Variants in FES observed in about 807,000 individuals in gnomAD.
The protein encoded by FES is FES proto-oncogene, tyrosine kinase.
FES carries 83 observed loss-of-function variants against 109.6 expected under a neutral mutation model. The observed-to-expected ratio is 0.76, with a 90% CI of 0.63 to 0.91. The LOEUF (loss-of-function observed/expected upper bound fraction) is 0.91, where lower values mean the gene tolerates loss of function less well. Among genes scored for constraint, FES ranks in the 40% least tolerant of loss-of-function variants. The pLI, the probability that FES is intolerant of heterozygous loss-of-function variation, is 0.00. For synonymous variants in FES, 458 were observed against 442.1 expected, an observed-to-expected ratio of 1.04 and a Z score of -0.45; for missense variants, 943 against 1,070.9, an observed-to-expected ratio of 0.88 and a Z score of 1.67.
Position 90,891,102 on chromosome 15 carries a change from C to A in FES, c.1441C>A (p.Leu481Met). 6.3e-7 allele frequency: 1 copy of A among 1,589,320 alleles called. No individual in the cohort carries two copies. The highest frequency in any genetic ancestry group is 2.3e-5 in the East Asian group (1 of 44,038). Residue 481 changes from leucine to methionine, a missense_variant, in exon 11 of 19, where the codon CTG becomes ATG. Coordinates refer to ENST00000328850, the MANE Select transcript of FES (RefSeq NM_002005.4). ...GCTGCTGGTGCACTCTGGGGACTTC[C>A]TGGTGCGGGAGAGCCAGGGCAAGCA... ...AELLVHSGDF[L>M]VRESQGKQEY... is the part of the protein sequence containing the mutation.
At position 90,889,517 on chromosome 15, in the gene FES, G is replaced by A; in HGVS notation, c.807G>A (p.Gly269=). 1 of 1,613,896 alleles carries A rather than the reference G, an allele frequency of 6.2e-7. No individual in the cohort carries two copies. Among genetic ancestry groups the A allele is most frequent in the Non-Finnish European group, 8.5e-7 (1 of 1,180,026 alleles). ...ACTGACGGGGCGCTGTCCCCCACAG[G>A]TCCGCACCTGACGTCCCACCCTGTG... The part of the protein sequence containing the change: ...AEYQGFLRQY[G]SAPDVPPCVT... Residue 269 remains glycine (G), a splice_region_variant and synonymous_variant, in exon 7 of 19, where the codon GGG becomes GGA. Transcript: ENST00000328850. The surrounding 1 kb of genome is among the most constrained non-coding windows in gnomAD (Gnocchi z 6.1).
intron 18 of FES, 135 bp from the exon 19 acceptor site, chr15:90,895,281 C>T: frequency 1.4e-6 from 1 of 711,498 alleles, no homozygotes; most frequent in South Asian, 4.0e-5. Context: ...GTCCTTTGGG[C>T]CCTTGGTGGA....
chr15:90,887,454 A>G (rs1184797434), intron 5 of FES, 84 bp downstream of exon 5: 5 of 1,394,848 alleles, frequency 3.6e-6, no homozygotes. Context: ...GACCCAGAAA[A>G]TCCATTGCTG....
intron 11 of FES, 122 bp from the exon 12 acceptor site, chr15:90,891,432 G>T: frequency 1.5e-6 from 2 of 1,359,624 alleles, no homozygotes; most frequent in Non-Finnish European, 2.1e-6. Context: ...ATCTTTTCTG[G>T]AGGTCTCTCT....
intron 13 of FES, 181 bp downstream of exon 13, chr15:90,892,292 A>G (rs2033295736): frequency 1.5e-6 from 1 of 662,074 alleles, no homozygotes; most frequent in Non-Finnish European, 2.6e-6. Context: ...CTACCCTGAA[A>G]ACTCCCAGCA....
chr15:90,894,103 C>T, intron 18 of FES, 45 bp downstream of exon 18: 1 of 1,605,446 alleles, frequency 6.2e-7, no homozygotes, highest in Non-Finnish European at 8.5e-7. Context: ...CACCCTCTTC[C>T]AGATGCTCCA....
rs138547963 is a variant in FES, at chr15:90,890,417, G to C, written c.1253G>C (p.Gly418Ala). 28 of 1,613,030 alleles carry C rather than the reference G, an allele frequency of 1.7e-5. No individual in the cohort carries two copies. The African/African-American group carries it at 3.7e-4, about 22-fold the overall frequency. Reference sequence around the variant, plus strand: ...TGGCCTCAGGAGCAGGAGCGAGAGGGGGGAAGGACACCCACGCTGGAGATC... The same window carrying C: ...TGGCCTCAGGAGCAGGAGCGAGAGGCGGGAAGGACACCCACGCTGGAGATC... ...STSSSEQERE[G>A]GRTPTLEILK... is the part of the protein sequence containing the mutation. The change falls in exon 10 of 19, where the codon GGG becomes GCG. Residue 418 changes from glycine (G) to alanine (A), a missense_variant. Coordinates refer to ENST00000328850, the MANE Select transcript of FES (RefSeq NM_002005.4).
intron 5 of FES, 151 bp downstream of exon 5, chr15:90,887,521 C>T: frequency 2.6e-6 from 2 of 768,566 alleles, no homozygotes; most frequent in South Asian, 1.9e-5. Context: ...GGATTGGAAA[C>T]AGGCAACTTA....
intron 18 of FES, 133 bp downstream of exon 18, chr15:90,894,191 T>C: frequency 9.4e-7 from 1 of 1,063,554 alleles, no homozygotes; most frequent in Non-Finnish European, 1.4e-6. Flanking sequence ...TGCTCACGCC[T>C]GTCATCCCAG....
At chr15:90,886,858 G>C in intron 3 of FES, 103 bp from the exon 4 acceptor site, 2 of 1,014,190 alleles carry the variant, frequency 2.0e-6, no homozygotes, top group Non-Finnish European at 3.0e-6. Context: ...GTCTCCAGGT[G>C]CTCCTTGCCT....
intron 10 of FES, 80 bp from the exon 11 acceptor site, chr15:90,890,902 G>A (rs1307291070): frequency 2.2e-6 from 3 of 1,358,708 alleles, no homozygotes; most frequent in African/African-American, 2.9e-5. Flanking sequence ...ATATAGGGGG[G>A]AGAGAGAGAC....
chr15:90,891,737 G>C, intron 12 of FES, 61 bp downstream of exon 12: 1 of 1,602,432 alleles, frequency 6.2e-7, no homozygotes, highest in Non-Finnish European at 8.5e-7. Flanking sequence ...GTGTGGGTCA[G>C]GCCCACCCAG....
rs986401615 is a variant in FES at position 90,889,031 on chromosome 15, C to T, written c.669-275C>T. 2.0e-5 allele frequency among the ~76,000 whole-genome samples: 3 copies of T among 152,146 alleles called. No individual in the cohort carries two copies. The highest frequency in any genetic ancestry group is 2.9e-5 in the Non-Finnish European group (2 of 68,036). On this transcript the variant is annotated intron_variant, in intron 5 of 18. Coordinates refer to ENST00000328850, the MANE Select transcript of FES (RefSeq NM_002005.4). This position sits in a 1 kb window ranked among gnomAD's most constrained non-coding sequence, Gnocchi z 6.1. Reference sequence around the variant, plus strand: ...GGTCTCGAACTGACCTCAGGCAATCCACCCGCCTCGACCTCCCAGTGTTGG... The same window carrying T: ...GGTCTCGAACTGACCTCAGGCAATCTACCCGCCTCGACCTCCCAGTGTTGG...
chr15:90,890,969 C>T lies in FES; in HGVS notation c.1321-13C>T. 3.2e-6 allele frequency: 5 copies of T among 1,569,264 alleles called. No individual in the cohort carries two copies. Among genetic ancestry groups the T allele is most frequent in the African/African-American group, 1.3e-5 (1 of 74,290 alleles). On this transcript the variant is annotated splice_polypyrimidine_tract_variant and intron_variant, in intron 10 of 18. Transcript: ENST00000328850. ...GTGGTTAAGTGACTCCTCCTCGATCCTCCCTTGCCCAGCTCCCTCCACCGC... is the reference window on the plus strand; with the variant it reads ...GTGGTTAAGTGACTCCTCCTCGATCTTCCCTTGCCCAGCTCCCTCCACCGC...
In FES at chr15:90,890,136, AG is replaced by A; in HGVS notation, c.1098del (p.Leu367CysfsTer3). 1 of 1,583,142 alleles carries A rather than the reference AG, an allele frequency of 6.3e-7. No homozygotes were observed. On this transcript the variant is annotated frameshift_variant, in exon 9 of 19. Coordinates refer to ENST00000328850, the MANE Select transcript of FES (RefSeq NM_002005.4). LOFTEE classifies it high-confidence loss of function. Reference sequence around the variant, plus strand: ...AGGCAAGTGCTGCAAGAAGCACTGCAGGGGCTGCAGGTAGCGCTGTGCAGCC... The same window carrying A: ...AGGCAAGTGCTGCAAGAAGCACTGCAGGGCTGCAGGTAGCGCTGTGCAGCC... The part of the protein sequence containing the change: ...GKRQVLQEAL[Q>X]GLQVALCSQA...
rs745748309 is a variant in FES at position 90,890,077 on chromosome 15, C to T, written c.1050-15C>T. On this transcript the variant is annotated splice_polypyrimidine_tract_variant and intron_variant, in intron 8 of 18. Coordinates refer to ENST00000328850, the MANE Select transcript of FES (RefSeq NM_002005.4). ...CCTTATTCTCATCCACCCTCCCACC[C>T]GCCCCTGCCTGCAGGGTGCAGCTGC... is the stretch of plus-strand genomic sequence containing the variant. 4.9e-5 allele frequency: 76 copies of T among 1,539,246 alleles called. No homozygotes were observed. The highest frequency in any genetic ancestry group is 6.3e-5 in the Non-Finnish European group (72 of 1,143,090).
intron 13 of FES, chr15:90,892,335 C>G: frequency 1.7e-6 from 1 of 604,686 alleles, no homozygotes; most frequent in South Asian, 2.0e-5. Flanking sequence ...CCTCATCACC[C>G]CCACCCAGGC....
rs139960065 is a variant in FES at position 90,885,130 on chromosome 15, G to C, written c.85G>C (p.Gly29Arg). The C allele has an allele frequency of 3.3e-5, 53 of 1,613,904 alleles. No homozygotes were observed. Among genetic ancestry groups the C allele is most frequent in the African/African-American group, 4.0e-5 (3 of 74,946 alleles). ...MQEAELRLLE[G>R]MRKWMAQRVK... ...GGAGGCCGAGCTTCGTCTACTGGAG[G>C]GCATGAGAAAGTGGATGGCCCAGCG... The change falls in exon 2 of 19, where the codon GGC becomes CGC. Residue 29 changes from glycine to arginine, a missense_variant. Coordinates refer to ENST00000328850, the MANE Select transcript of FES (RefSeq NM_002005.4).
chr15:90,894,230 A>G (rs1489821303), intron 18 of FES, among the ~76,000 whole-genome samples, 172 bp downstream of exon 18: 1 of 152,104 alleles, frequency 6.6e-6, no homozygotes, highest in Admixed American at 6.5e-5. Context: ...TGGGTGGATC[A>G]CTTGAGCCCA....
Sources: gnomAD v4.1 joint callset for allele counts (sites outside exome capture counted in the v4.1 genomes callset) on GRCh38, gnomAD v4.1.1 for gene constraint, Gnocchi (gnomAD v3.1) non-coding constraint, MANE v1.5 for transcripts, NCBI Gene and HGNC (gene_info 2026-07-23, HGNC 2026-07-21) for gene names.